Variants in LIPE observed in about 807,000 individuals in gnomAD.
LIPE encodes the protein lipase E, hormone sensitive type, also known as hormone-sensitive lipase.
A neutral mutation model predicts 88.5 loss-of-function variants in LIPE; 66 were observed. The ratio of observed to expected loss-of-function variants is 0.75; its 90% confidence interval spans 0.61 to 0.91. The LOEUF (loss-of-function observed/expected upper bound fraction) is 0.91, where lower values mean the gene tolerates loss of function less well. LIPE is among the 40% of genes least tolerant of loss of function. The probability of loss-of-function intolerance (pLI) is 0.00; values close to 1 mark genes in which losing one functional copy is unlikely to be tolerated. For missense variants in LIPE, 1,346 were observed against 1,434.7 expected (o/e 0.94, Z 1.00); for synonymous variants, 570 against 617.5 (o/e 0.92, Z 1.14).
intron 1 of LIPE, among the ~76,000 whole-genome samples, chr19:42,421,448 C>T (rs1316376860): frequency 2.0e-5 from 3 of 152,214 alleles, no homozygotes; most frequent in African/African-American, 7.2e-5. Context: ...GTATTTATCA[C>T]AGTTTACAAT....
rs1353165263 is a variant in LIPE at position 42,414,158 on chromosome 19, C to T, written c.884-3316G>A. On this transcript the variant is annotated intron_variant, in intron 1 of 9. Coordinates refer to ENST00000244289, the MANE Select transcript of LIPE (RefSeq NM_005357.4). This position sits in a 1 kb window ranked among gnomAD's most constrained non-coding sequence, Gnocchi z 4.6. ...GGTATGGTGGTGGATGCCTGTAGTC[C>T]CCACTATTGGGAGGCTGAGACAGGA... Among the ~76,000 whole-genome samples the T allele has an allele frequency of 9.2e-5, 14 of 152,040 alleles. No homozygotes were observed. The highest frequency in any genetic ancestry group is 2.1e-4 in the Non-Finnish European group (14 of 68,008).
intron 1 of LIPE, 123 bp downstream of exon 1, chr19:42,426,144 C>G: frequency 1.2e-4 from 28 of 232,546 alleles, no homozygotes; most frequent in East Asian, 2.5e-4. Context: ...GGATGTTGAT[C>G]TTTATCTCAG....
In LIPE at chr19:42,405,976, T is replaced by TCACACACA. The variant is rs57282318; in HGVS notation, c.2365+177_2365+184dup. 4.5e-3 allele frequency: 1,869 copies of TCACACACA among 418,360 alleles called. 10 individuals carry two copies. The highest frequency in any genetic ancestry group is 4.8e-3 in the Non-Finnish European group (1,117 of 233,008). 25.9% of individuals were successfully genotyped at this position (418,360 alleles called of 1,614,324 possible). A position where few individuals can be genotyped will look rare whatever the true frequency, so the allele number is the denominator to read the frequency against. On this transcript the variant is annotated intron_variant, in intron 7 of 9. Transcript: ENST00000244289. ...GTGTCTGTCTGTCTCTCTCTCTCTCTCACACACACACACACACACACACAC... is the reference window on the plus strand; with the variant it reads ...GTGTCTGTCTGTCTCTCTCTCTCTCTCACACACACACACACACACACACACACACACAC...
chr19:42,402,020 C>G lies in LIPE; in HGVS notation c.3023G>C (p.Arg1008Pro). 6.5e-7 allele frequency: 1 copy of G among 1,538,538 alleles called. No homozygotes were observed. Among genetic ancestry groups the G allele is most frequent in the Non-Finnish European group, 8.7e-7 (1 of 1,143,028 alleles). ...CAGCGTCACCGGCTGGCCCAGGTTG[C>G]GCAGTCGCCGCGCGAGCATGACCGA... ...DDSVMLARRL[R>P]NLGQPVTLRV... The change falls in exon 10 of 10, where the codon CGC becomes CCC. Residue 1008 changes from arginine to proline, a missense_variant. Arg to Pro is a moderately radical substitution (Grantham distance 103). Transcript: ENST00000244289.
intron 1 of LIPE, among the ~76,000 whole-genome samples, chr19:42,418,312 A>G (rs1024518873): frequency 6.6e-6 from 1 of 152,118 alleles, no homozygotes; most frequent in Admixed American, 6.6e-5. Context: ...TCTACTGTGG[A>G]CCAAATGCTA....
At chr19:42,411,780 C>T (rs1418500735) in intron 1 of LIPE, among the ~76,000 whole-genome samples, 3 of 152,196 alleles carry the variant, frequency 2.0e-5, no homozygotes, top group Admixed American at 6.5e-5. Flanking sequence ...TGCTCCCCTG[C>T]CTGGAACAGC....
chr19:42,420,591 A>G lies in LIPE; in HGVS notation c.883+5676T>C, dbSNP rs59411574. Among the ~76,000 whole-genome samples the G allele has an allele frequency of 8.2e-4, 123 of 150,578 alleles. 1 individual carries two copies. In the East Asian group the frequency reaches 0.022, roughly 26 times the overall value. On this transcript the variant is annotated intron_variant, in intron 1 of 9. Transcript: ENST00000244289. ...CATCCTGGCCACCTCCCCACCCCCCAACTCCCATGCAATCCATCCCCTAGT... is the reference window on the plus strand; with the variant it reads ...CATCCTGGCCACCTCCCCACCCCCCGACTCCCATGCAATCCATCCCCTAGT...
intron 1 of LIPE, among the ~76,000 whole-genome samples, chr19:42,425,865 C>T (rs781558040): frequency 2.0e-4 from 31 of 152,202 alleles, no homozygotes; most frequent in Non-Finnish European, 3.5e-4. Flanking sequence ...TGCAGTGGCA[C>T]GATCTCAGCT....
chr19:42,412,914 A>T (rs1039631622), intron 1 of LIPE, among the ~76,000 whole-genome samples: 4 of 152,200 alleles, frequency 2.6e-5, no homozygotes, highest in Non-Finnish European at 5.9e-5. Context: ...AAAGCCGATT[A>T]AGGGCAGTGC....
chr19:42,402,766 G>T lies in LIPE; in HGVS notation c.2808C>A (p.Gly936=). The change falls in exon 9 of 10, where the codon GGC becomes GGA. Residue 936 remains glycine, a synonymous_variant. Transcript: ENST00000244289. ...AACCCTCGGGGAAGGCGGCACGGACGCCCAGGCCTCTGTCCATGGGGCTCA... is the reference window on the plus strand; with the variant it reads ...AACCCTCGGGGAAGGCGGCACGGACTCCCAGGCCTCTGTCCATGGGGCTCA... The part of the protein sequence containing the change: ...NELSPMDRGL[G]VRAAFPEGFH... The T allele has an allele frequency of 1.3e-6, 2 of 1,593,744 alleles. No individual in the cohort carries two copies. Among genetic ancestry groups the T allele is most frequent in the Non-Finnish European group, 1.7e-6 (2 of 1,165,544 alleles).
rs1027087179 is a variant in LIPE, at chr19:42,402,089, G to C, written c.2968-14C>G. 5.5e-6 allele frequency: 8 copies of C among 1,466,644 alleles called. No homozygotes were observed. The highest frequency in any genetic ancestry group is 7.2e-6 in the Non-Finnish European group (8 of 1,105,986). 90.9% of individuals were successfully genotyped at this position (1,466,644 alleles called of 1,614,324 possible). ...CAGCGCGCACGCCTACGGGACAGCGGGGAGGGACGTGGAGAGAGGGTGGGG... is the reference window on the plus strand; with the variant it reads ...CAGCGCGCACGCCTACGGGACAGCGCGGAGGGACGTGGAGAGAGGGTGGGG... On this transcript the variant is annotated splice_polypyrimidine_tract_variant and intron_variant, in intron 9 of 9. Coordinates refer to ENST00000244289, the MANE Select transcript of LIPE (RefSeq NM_005357.4).
At chr19:42,423,771 C>A in intron 1 of LIPE, 1 of 1,111,852 alleles carries the variant, frequency 9.0e-7, no homozygotes. Context: ...GGGCTCGCGG[C>A]CAACAAAAAG....
intron 1 of LIPE, among the ~76,000 whole-genome samples, chr19:42,417,130 T>C (rs546710603): frequency 6.4e-4 from 97 of 152,208 alleles, no homozygotes; most frequent in East Asian, 3.5e-3. Flanking sequence ...CCATGTTAGC[T>C]AGGATGGTCT....
Position 42,408,116 on chromosome 19 carries a change from C to T in LIPE, c.1516G>A (p.Ala506Thr). Reference protein sequence around the residue: ...YKRNETGLSVAASSLFTSGRF... With the variant: ...YKRNETGLSVTASSLFTSGRF... The stretch of plus-strand genomic sequence containing the variant: ...CCGCTGGTGAAGAGAGAGCTGGCGG[C>T]CACACCTAGGGGTCAGAAGGGGTGT... The change falls in exon 4 of 10, where the codon GCC (alanine) becomes ACC (threonine). Residue 506 changes from alanine (A) to threonine (T), a missense_variant. Ala to Thr is a moderately conservative substitution (Grantham distance 58). Coordinates refer to ENST00000244289, the MANE Select transcript of LIPE (RefSeq NM_005357.4). This position sits in a 1 kb window ranked among gnomAD's most constrained non-coding sequence, Gnocchi z 4.3. The T allele has an allele frequency of 6.2e-7, 1 of 1,613,954 alleles. No individual in the cohort carries two copies. Among genetic ancestry groups the T allele is most frequent in the South Asian group, 1.1e-5 (1 of 91,082 alleles).
intron 1 of LIPE, chr19:42,424,493 T>A (rs546320958): frequency 9.4e-5 from 43 of 456,368 alleles, no homozygotes; most frequent in African/African-American, 7.6e-4. Context: ...AACAGCTTTC[T>A]ATCCTCAGCA....
intron 1 of LIPE, among the ~76,000 whole-genome samples, chr19:42,422,611 C>T (rs1380981369): frequency 6.6e-6 from 1 of 152,164 alleles, no homozygotes; most frequent in Non-Finnish European, 1.5e-5. Context: ...TGGGAACCTC[C>T]CACGGGTCCC....
rs537281124 is a variant in LIPE, at chr19:42,409,483, G to C, written c.1419+824C>G. 2.6e-5 allele frequency among the ~76,000 whole-genome samples: 4 copies of C among 152,066 alleles called. No homozygotes were observed. The South Asian group carries it at 8.3e-4, about 32-fold the overall frequency. Reference sequence around the variant, plus strand: ...TAGGAGGCCAAGGCAAGGGATTGGCGGGTTCTTCTGTTCACTCTGTACTGG... The same window carrying C: ...TAGGAGGCCAAGGCAAGGGATTGGCCGGTTCTTCTGTTCACTCTGTACTGG... On this transcript the variant is annotated intron_variant, in intron 2 of 9. Transcript: ENST00000244289.
intron 1 of LIPE, among the ~76,000 whole-genome samples, chr19:42,422,147 G>A (rs903489673): frequency 1.3e-5 from 2 of 152,212 alleles, no homozygotes; most frequent in African/African-American, 4.8e-5. Context: ...TTCACCGTCC[G>A]GTGGGGACTA....
chr19:42,422,819 G>T (rs981337710), intron 1 of LIPE, among the ~76,000 whole-genome samples: 18 of 152,206 alleles, frequency 1.2e-4, no homozygotes, highest in African/African-American at 4.3e-4. Context: ...CCTGGAAAGG[G>T]TAGGGGTCAG....
Sources: gnomAD v4.1 joint callset for allele counts (sites outside exome capture counted in the v4.1 genomes callset) on GRCh38, gnomAD v4.1.1 for gene constraint, Gnocchi (gnomAD v3.1) non-coding constraint, MANE v1.5 for transcripts, NCBI Gene and HGNC (gene_info 2026-07-23, HGNC 2026-07-21) for gene names.